Variants in CNTLN observed in about 807,000 individuals in gnomAD.
CNTLN encodes centlein, centrosomal protein.
Under a neutral mutation model 180.0 loss-of-function variants are expected in CNTLN, and 212 were observed. The observed-to-expected ratio is 1.18, with a 90% CI of 1.05 to 1.32. The LOEUF (loss-of-function observed/expected upper bound fraction) is 1.32. Ranked by LOEUF, CNTLN falls within the 40% of genes most tolerant of loss-of-function variation. The pLI is 0.00. For missense variants in CNTLN, 2,095 were observed against 1,610.9 expected, an observed-to-expected ratio of 1.30 and a Z score of -5.14; for synonymous variants, 722 against 563.1, an observed-to-expected ratio of 1.28 and a Z score of -3.99.
intron 11 of CNTLN, among the ~76,000 whole-genome samples, chr9:17,342,024 AC>A (rs1042385549): frequency 4.0e-5 from 6 of 151,828 alleles, no homozygotes; most frequent in Non-Finnish European, 7.4e-5. Context: ...TGCGGGGGGG[AC>A]CGTTAAAATT....
At chr9:17,161,354 T>A (rs2131587847) in intron 2 of CNTLN, among the ~76,000 whole-genome samples, 1 of 152,294 alleles carries the variant, frequency 6.6e-6, no homozygotes, top group East Asian at 1.9e-4. Flanking sequence ...AAATCTAATT[T>A]CCTTGCTATT....
intron 2 of CNTLN, among the ~76,000 whole-genome samples, chr9:17,192,914 C>G (rs1226714868): frequency 6.6e-6 from 1 of 152,132 alleles, no homozygotes; most frequent in Admixed American, 6.5e-5. Context: ...TTCAGTTGGA[C>G]TTACAGTTCC....
At chr9:17,287,820 G>A (rs1438441950) in intron 6 of CNTLN, among the ~76,000 whole-genome samples, 13 of 147,118 alleles carry the variant, frequency 8.8e-5, no homozygotes, top group South Asian at 2.2e-4. Context: ...ATTCTCTGAT[G>A]GTAGTTTGTA....
At position 17,281,969 on chromosome 9, in the gene CNTLN, T is replaced by G. The variant is rs563007965; in HGVS notation, c.983+8103T>G. Among the ~76,000 whole-genome samples the G allele has an allele frequency of 3.3e-5, 5 of 151,914 alleles. No homozygotes were observed. In the South Asian group the frequency reaches 6.3e-4, roughly 19 times the overall value. ...AGAATCTGTTGTTCCTTGACTTTTT[T>G]TTTGTTTGTTTTGAGACGAAGTCTC... On this transcript the variant is annotated intron_variant, in intron 6 of 25. Coordinates refer to ENST00000380647, the MANE Select transcript of CNTLN (RefSeq NM_017738.4).
intron 2 of CNTLN, among the ~76,000 whole-genome samples, chr9:17,198,386 C>CTTTTTTT (rs61209273): frequency 6.4e-5 from 7 of 109,746 alleles, no homozygotes; most frequent in African/African-American, 1.3e-4. Context: ...TCTTTTCTTT[C>CTTTTTTT]TTTTTTTTTT....
chr9:17,506,079 TAAA>T (rs3084575), downstream of CNTLN, among the ~76,000 whole-genome samples: 515 of 148,984 alleles, frequency 3.5e-3, no homozygotes, highest in Non-Finnish European at 3.1e-3. Context: ...CATCTTGGGT[TAAA>T]AAAAAAAAAA....
chr9:17,406,037 G>A (rs1292456979), intron 15 of CNTLN, among the ~76,000 whole-genome samples: 2 of 151,684 alleles, frequency 1.3e-5, no homozygotes, highest in African/African-American at 4.9e-5. Flanking sequence ...ATCATACTTG[G>A]ATATCAAATA....
At chr9:17,150,574 C>G (rs764244575) in intron 2 of CNTLN, among the ~76,000 whole-genome samples, 2 of 152,156 alleles carry the variant, frequency 1.3e-5, no homozygotes, top group African/African-American at 4.8e-5. Flanking sequence ...AGTTTGAAGT[C>G]AGGTAGCATG....
At chr9:17,318,145 AGCCTGCTGAGTAGCTGGGACTACAGGC>A (rs1819655272) in intron 8 of CNTLN, among the ~76,000 whole-genome samples, 2 of 151,000 alleles carry the variant, frequency 1.3e-5, no homozygotes, top group African/African-American at 4.9e-5. Flanking sequence ...CTCCTGCCTC[AGCCTGCTGAGTAGCTGGGACTACAGGC>A]GCCCACCACC....
intron 16 of CNTLN, among the ~76,000 whole-genome samples, chr9:17,411,235 G>A (rs748870731): frequency 2.6e-5 from 4 of 152,030 alleles, no homozygotes; most frequent in Non-Finnish European, 2.9e-5. Flanking sequence ...ACCTCAGTAG[G>A]TCAGACAATA....
intron 12 of CNTLN, among the ~76,000 whole-genome samples, chr9:17,345,598 T>C (rs111464673): frequency 2.0e-5 from 3 of 151,954 alleles, no homozygotes; most frequent in African/African-American, 7.2e-5. Flanking sequence ...TACAGTCTAC[T>C]GGTATCAACA....
the CNTLN span, among the ~76,000 whole-genome samples, chr9:17,518,829 G>A: frequency 3.3e-4 from 50 of 152,258 alleles, 1 homozygote; most frequent in South Asian, 9.9e-3. Flanking sequence ...TGGGAGCTGG[G>A]ACCCCAAGTG....
In CNTLN at chr9:17,366,696, T is replaced by G; in HGVS notation, c.1966T>G (p.Cys656Gly). 1 of 1,577,260 alleles carries G rather than the reference T, an allele frequency of 6.3e-7. No individual in the cohort carries two copies. The highest frequency in any genetic ancestry group is 8.7e-7 in the Non-Finnish European group (1 of 1,155,728). ...GGCAGCAATACAAGAATTGAATAGA[T>G]GTGTGGCAGAGAGAAGAGAAGGTAA... ...DKAAIQELNR[C>G]VAERREEQLF... is the part of the protein sequence containing the mutation. The change falls in exon 13 of 26, where the codon TGT becomes GGT. Residue 656 changes from cysteine to glycine, a missense_variant. Cys to Gly is a radical substitution (Grantham distance 159). Coordinates refer to ENST00000380647, the MANE Select transcript of CNTLN (RefSeq NM_017738.4).
chr9:17,451,970 C>A (rs16935659), intron 18 of CNTLN, among the ~76,000 whole-genome samples: 1 of 152,160 alleles, frequency 6.6e-6, no homozygotes, highest in Non-Finnish European at 1.5e-5. Flanking sequence ...AAGAGCTATA[C>A]CCGATCCCAT....
intron 15 of CNTLN, among the ~76,000 whole-genome samples, chr9:17,402,722 C>T (rs1827078292): frequency 6.6e-6 from 1 of 151,778 alleles, no homozygotes; most frequent in Non-Finnish European, 1.5e-5. Context: ...ATCAGCTCTC[C>T]TGGGTCTCTA....
At chr9:17,456,731 A>T (rs1002150875) in intron 18 of CNTLN, among the ~76,000 whole-genome samples, 5 of 152,142 alleles carry the variant, frequency 3.3e-5, no homozygotes, top group African/African-American at 1.2e-4. Flanking sequence ...GAATAATAAA[A>T]TAGTAATGCA....
chr9:17,187,374 C>T (rs968314272), intron 2 of CNTLN, among the ~76,000 whole-genome samples: 7 of 152,032 alleles, frequency 4.6e-5, no homozygotes, highest in South Asian at 2.1e-4. Context: ...TTTATTCCTG[C>T]GCTTTCATGT....
the CNTLN span, among the ~76,000 whole-genome samples, chr9:17,522,159 A>C: frequency 2.0e-5 from 3 of 152,102 alleles, no homozygotes; most frequent in African/African-American, 7.2e-5. Context: ...GGGATTTTTT[A>C]AGGATTAAGG....
chr9:17,166,606 C>A (rs1433797099), intron 2 of CNTLN, among the ~76,000 whole-genome samples: 1 of 152,096 alleles, frequency 6.6e-6, no homozygotes, highest in Admixed American at 6.6e-5. Context: ...GGAAAAAATA[C>A]AGCCACATAC....
Sources: allele counts gnomAD v4.1 joint callset (sites outside exome capture counted in the v4.1 genomes callset), GRCh38; gene constraint gnomAD v4.1.1; transcripts MANE v1.5; gene names NCBI Gene and HGNC (gene_info 2026-07-23, HGNC 2026-07-21).